GHR: variants seen among roughly 807,000 people sequenced by gnomAD.
The protein encoded by GHR is growth hormone receptor, also known as GH receptor.
GHR carries 35 observed loss-of-function variants against 67.1 expected under a neutral mutation model. The observed-to-expected ratio is 0.52, with a 90% CI of 0.40 to 0.69. GHR has a LOEUF of 0.69. GHR is among the 30% of genes least tolerant of loss of function. GHR has a pLI of 0.00. For missense variants in GHR, 792 were observed against 764.6 expected (o/e 1.04, Z -0.42); for synonymous variants, 272 against 269.1 (o/e 1.01, Z -0.10).
intron 1 of GHR, among the ~76,000 whole-genome samples, chr5:42,476,835 C>A (rs1745346807): frequency 6.6e-6 from 1 of 151,992 alleles, no homozygotes; most frequent in Middle Eastern, 3.4e-3. Context: ...TTGCCTTCTA[C>A]TCCATCTCTT....
chr5:42,610,688 A>T (rs1025220544), intron 2 of GHR, among the ~76,000 whole-genome samples: 1 of 151,386 alleles, frequency 6.6e-6, no homozygotes, highest in Non-Finnish European at 1.5e-5. Context: ...GGAGAGAAGG[A>T]ATGAGAAAAG....
chr5:42,590,096 A>G (rs1751696760), intron 2 of GHR, among the ~76,000 whole-genome samples: 4 of 152,214 alleles, frequency 2.6e-5, no homozygotes, highest in Admixed American at 2.6e-4. Context: ...CTTCACTGAA[A>G]AGAATGAGGA....
At chr5:42,477,541 C>A (rs1040702490) in intron 1 of GHR, among the ~76,000 whole-genome samples, 2 of 152,174 alleles carry the variant, frequency 1.3e-5, no homozygotes, top group African/African-American at 4.8e-5. Flanking sequence ...CTCTCCAGCA[C>A]CTGTTGTTTC....
At chr5:42,717,906 T>C in intron 8 of GHR, 146 bp from the exon 9 acceptor site, 2 of 584,674 alleles carry the variant, frequency 3.4e-6, no homozygotes, top group Non-Finnish European at 6.2e-6. Context: ...TAATATTTTC[T>C]TCTGTTTCTC....
At chr5:42,551,682 G>C (rs367992950) in intron 1 of GHR, among the ~76,000 whole-genome samples, 2 of 152,176 alleles carry the variant, frequency 1.3e-5, no homozygotes, top group African/African-American at 4.8e-5. Context: ...TCAGAAGCAG[G>C]TAGGAAATGC....
chr5:42,660,221 T>A lies in GHR; in HGVS notation c.137-28669T>A, dbSNP rs566248593. ...AAAGACAGCAGTAACCTCTGCAGAC[T>A]TAAATGTCCCTGTCTGACAGCTTTG... On this transcript the variant is annotated intron_variant, in intron 3 of 9. Coordinates refer to ENST00000230882, the MANE Select transcript of GHR (RefSeq NM_000163.5). Among the ~76,000 whole-genome samples, 25 of 152,280 alleles carry A rather than the reference T, an allele frequency of 1.6e-4. No homozygotes were observed. The South Asian group carries it at 5.2e-3, about 32-fold the overall frequency.
intron 6 of GHR, among the ~76,000 whole-genome samples, chr5:42,707,142 G>T (rs1369417379): frequency 1.3e-5 from 2 of 151,520 alleles, no homozygotes; most frequent in African/African-American, 4.8e-5. Flanking sequence ...TGTGTGTGTG[G>T]CTATAATAGG....
At chr5:42,614,850 C>A (rs1400392080) in intron 2 of GHR, among the ~76,000 whole-genome samples, 1 of 151,830 alleles carries the variant, frequency 6.6e-6, no homozygotes, top group African/African-American at 2.4e-5. Flanking sequence ...GGTTTGTTTA[C>A]ATATTGTGGA....
chr5:42,613,094 AT>A (rs1180030949), intron 2 of GHR, among the ~76,000 whole-genome samples: 7 of 152,062 alleles, frequency 4.6e-5, no homozygotes, highest in Non-Finnish European at 8.8e-5. Flanking sequence ...ATTATTTCTG[AT>A]TGTGCTTTCT....
intron 4 of GHR, among the ~76,000 whole-genome samples, chr5:42,693,427 C>G (rs1378083313): frequency 1.3e-5 from 2 of 151,818 alleles, no homozygotes; most frequent in African/African-American, 4.9e-5. Flanking sequence ...GCATGAACCA[C>G]CGTACCCAGC....
chr5:42,514,207 C>T, intron 1 of GHR: 1 of 985,178 alleles, frequency 1.0e-6, no homozygotes, highest in African/African-American at 1.7e-5. Flanking sequence ...CCTACAAGTG[C>T]CTTCTGGGTG....
At chr5:42,472,237 T>G (rs952731812) in intron 1 of GHR, among the ~76,000 whole-genome samples, 12 of 152,204 alleles carry the variant, frequency 7.9e-5, no homozygotes, top group Admixed American at 3.3e-4. Flanking sequence ...GATGTATGCT[T>G]TACTTCTACT....
intron 2 of GHR, among the ~76,000 whole-genome samples, chr5:42,611,908 T>C (rs1314174595): frequency 1.3e-5 from 2 of 152,156 alleles, no homozygotes; most frequent in African/African-American, 4.8e-5. Context: ...ATCTTTTATA[T>C]CACAGAAAGT....
At chr5:42,714,178 G>A (rs1050939416) in intron 8 of GHR, 2 of 152,506 alleles carry the variant, frequency 1.3e-5, no homozygotes, top group African/African-American at 4.8e-5. Context: ...AAAGCGCTGG[G>A]ATTACAGGCG....
intron 1 of GHR, among the ~76,000 whole-genome samples, chr5:42,559,464 T>C (rs1749484031): frequency 6.6e-6 from 1 of 152,220 alleles, no homozygotes; most frequent in Non-Finnish European, 1.5e-5. Context: ...GAGGATCCCT[T>C]GAGCCAAAGA....
chr5:42,584,070 T>G (rs987236727), intron 2 of GHR, among the ~76,000 whole-genome samples: 2 of 151,912 alleles, frequency 1.3e-5, no homozygotes, highest in African/African-American at 4.8e-5. Context: ...TTTAAGAAGA[T>G]TGTAGTATGT....
intron 1 of GHR, among the ~76,000 whole-genome samples, chr5:42,558,929 G>C (rs1038494499): frequency 2.4e-4 from 36 of 152,170 alleles, no homozygotes; most frequent in African/African-American, 8.4e-4. Context: ...ACATTATCAA[G>C]ATATTTTGCA....
At chr5:42,431,280 T>C (rs1242996219) in intron 1 of GHR, among the ~76,000 whole-genome samples, 2 of 152,216 alleles carry the variant, frequency 1.3e-5, no homozygotes, top group African/African-American at 4.8e-5. Context: ...GCAGAAAGTC[T>C]TTCTGAAATA....
chr5:42,467,359 G>C, intron 1 of GHR: 1 of 1,003,424 alleles, frequency 1.0e-6, no homozygotes, highest in Admixed American at 1.7e-5. Context: ...CTGCGTAAAG[G>C]CTTTGCCAGA....
Sources: gnomAD v4.1 joint callset for allele counts (sites outside exome capture counted in the v4.1 genomes callset) on GRCh38, gnomAD v4.1.1 for gene constraint, MANE v1.5 for transcripts, NCBI Gene and HGNC (gene_info 2026-07-23, HGNC 2026-07-21) for gene names.